The following KDM3A variants were observed in gnomAD, a reference collection of about 807,000 sequenced individuals.
KDM3A encodes the protein lysine-specific demethylase 3A.
In KDM3A, 60 loss-of-function variants were observed where a neutral mutation model predicts 158.0. That is an observed-to-expected ratio of 0.38 (90% confidence interval 0.31 to 0.47). The LOEUF is 0.47. KDM3A is among the 20% of genes least tolerant of loss of function. KDM3A has a pLI of 0.99. For missense variants in KDM3A, 1,319 were observed against 1,574.3 expected (o/e 0.84, Z 2.74); for synonymous variants, 608 against 549.3 (o/e 1.11, Z -1.49).
intron 8 of KDM3A, 73 bp from the exon 9 acceptor site, chr2:86,463,980 T>G: frequency 8.6e-7 from 1 of 1,158,404 alleles, no homozygotes; most frequent in African/African-American, 1.6e-5. Flanking sequence ...CAAATGATCT[T>G]AAATTTGGTA....
chr2:86,482,215 G>A, intron 17 of KDM3A, 113 bp downstream of exon 17: 1 of 1,299,564 alleles, frequency 7.7e-7, no homozygotes, highest in Non-Finnish European at 1.1e-6. Context: ...ACTTACCTTT[G>A]TGGGTTCAGA....
Position 86,491,029 on chromosome 2 carries a change from T to G in KDM3A, c.3722T>G (p.Val1241Gly). Reference protein sequence around the residue: ...WAIVQFLGDVVFIPAGAPHQV... With the variant: ...WAIVQFLGDVGFIPAGAPHQV... ...ATTGTACAGTTTCTTGGGGATGTGGTGTTTATCCCGGCAGGAGCTCCACAT... is the reference window on the plus strand; with the variant it reads ...ATTGTACAGTTTCTTGGGGATGTGGGGTTTATCCCGGCAGGAGCTCCACAT... Residue 1241 changes from valine (V) to glycine (G), a missense_variant, in exon 24 of 26, where the codon GTG (valine) becomes GGG (glycine). By Grantham distance (109) the Val-to-Gly change is moderately radical. This residue lies in a region of KDM3A where 186 missense variants were observed against 340.9 expected (regional missense o/e 0.55). Transcript: ENST00000312912. 6.2e-7 allele frequency: 1 copy of G among 1,613,882 alleles called. No homozygotes were observed. The highest frequency in any genetic ancestry group is 8.5e-7 in the Non-Finnish European group (1 of 1,179,876).
chr2:86,454,447 T>C (rs879904311), intron 4 of KDM3A, among the ~76,000 whole-genome samples: 1 of 152,198 alleles, frequency 6.6e-6, no homozygotes, highest in Non-Finnish European at 1.5e-5. Flanking sequence ...GAAAGAGATA[T>C]GTGTACCTCT....
At chr2:86,445,674 A>T (rs978559607) in intron 2 of KDM3A, among the ~76,000 whole-genome samples, 4 of 152,242 alleles carry the variant, frequency 2.6e-5, no homozygotes, top group African/African-American at 7.2e-5. Flanking sequence ...ACTAATGCCT[A>T]GCCTTTCATT....
At position 86,484,058 on chromosome 2, in the gene KDM3A, G is replaced by A. The variant is rs373584625; in HGVS notation, c.2994G>A (p.Glu998=). The A allele has an allele frequency of 6.2e-7, 1 of 1,613,952 alleles. No homozygotes were observed. The highest frequency in any genetic ancestry group is 8.5e-7 in the Non-Finnish European group (1 of 1,179,940). ...ELWKPESFRK[E]FGEQEVDLVN... ...GGAAACCTGAATCCTTCAGGAAAGA[G>A]TTTGGTGAGCAGGAAGTAGACCTAG... Residue 998 remains glutamate, a synonymous_variant, in exon 19 of 26, where the codon GAG becomes GAA. Transcript: ENST00000312912.
chr2:86,478,263 A>G lies in KDM3A; in HGVS notation c.2186A>G (p.Lys729Arg), dbSNP rs1390842219. ...NLMPTQIIPGKALYDVGDIVH... is the reference protein window; with the variant it reads ...NLMPTQIIPGRALYDVGDIVH... ...ATGCCCACACAGATCATTCCTGGAA[A>G]AGGTATTTCATGTGCTGCAGTGATT... Residue 729 changes from lysine (K) to arginine (R), a missense_variant and splice_region_variant, in exon 14 of 26, where the codon AAA becomes AGA. Around this residue, in one of 4 missense-constraint regions of KDM3A, gnomAD observed 368 missense variants for 415.8 expected, o/e 0.89. Coordinates refer to ENST00000312912, the MANE Select transcript of KDM3A (RefSeq NM_018433.6). 6.2e-7 allele frequency: 1 copy of G among 1,603,502 alleles called. No homozygotes were observed. The highest frequency in any genetic ancestry group is 2.2e-5 in the East Asian group (1 of 44,830).
rs1447487375 is a variant in KDM3A at position 86,492,118 on chromosome 2, A to C, written c.3965A>C (p.Ter1322SerextTer24). Residue 1322 changes from the stop codon to serine, a stop_lost, in exon 26 of 26, where the codon TAA becomes TCA. Coordinates refer to ENST00000312912, the MANE Select transcript of KDM3A (RefSeq NM_018433.6). ...AGTGAATCCAGTTTTGGCAAACCTT[A>C]ATCTCCCTGCACATTGGAAATGAAT... is the stretch of plus-strand genomic sequence containing the variant. ...KASESSFGKP[*>S] 3.1e-6 allele frequency: 5 copies of C among 1,608,414 alleles called. No individual in the cohort carries two copies. In the Admixed American group the frequency reaches 5.0e-5, roughly 16 times the overall value.
At chr2:86,485,687 A>G (rs1674144280) in intron 20 of KDM3A, 42 bp from the exon 21 acceptor site, 1 of 1,604,478 alleles carries the variant, frequency 6.2e-7, no homozygotes, top group African/African-American at 1.3e-5. Flanking sequence ...ATGAATTAGA[A>G]AAGCAATCTA....
chr2:86,470,104 T>C, intron 10 of KDM3A, 100 bp from the exon 11 acceptor site: 1 of 912,230 alleles, frequency 1.1e-6, no homozygotes. Context: ...AAGGGAGTTC[T>C]CTTTAAGGGA....
chr2:86,484,130 C>G lies in KDM3A; in HGVS notation c.3066C>G (p.Asp1022Glu), dbSNP rs749851065. 3 of 1,613,496 alleles carry G rather than the reference C, an allele frequency of 1.9e-6. No individual in the cohort carries two copies. Among genetic ancestry groups the G allele is most frequent in the Non-Finnish European group, 2.5e-6 (3 of 1,179,774 alleles). The change falls in exon 19 of 26, where the codon GAC (aspartate) becomes GAG (glutamate). Residue 1022 changes from aspartate to glutamate, a missense_variant. This residue lies in a region of KDM3A where 368 missense variants were observed against 415.8 expected (regional missense o/e 0.89). Coordinates refer to ENST00000312912, the MANE Select transcript of KDM3A (RefSeq NM_018433.6). ...TCATCACAGGAGCCACAGTAGGAGA[C>G]TTCTGGGATGGATTTGAAGATGTTC... is the stretch of plus-strand genomic sequence containing the variant. ...NEIITGATVG[D>E]FWDGFEDVPN...
At chr2:86,460,543 A>G (rs1347563745) in intron 8 of KDM3A, among the ~76,000 whole-genome samples, 1 of 152,150 alleles carries the variant, frequency 6.6e-6, no homozygotes, top group Non-Finnish European at 1.5e-5. Context: ...GAAGACAGGC[A>G]TTTGGGACTA....
At chr2:86,456,322 T>TC (rs1672691980) in intron 5 of KDM3A, 120 bp from the exon 6 acceptor site, 3 of 712,820 alleles carry the variant, frequency 4.2e-6, no homozygotes, top group Non-Finnish European at 6.7e-6. Flanking sequence ...TAGTGATTCT[T>TC]TTAATGTTTA....
intron 23 of KDM3A, 89 bp from the exon 24 acceptor site, chr2:86,490,792 A>G: frequency 1.1e-6 from 1 of 921,442 alleles, no homozygotes; most frequent in Non-Finnish European, 1.6e-6. Context: ...CCTGACATTT[A>G]TGAACTGCCA....
chr2:86,489,796 A>G (rs75816635), intron 23 of KDM3A, 137 bp downstream of exon 23: 18,613 of 856,936 alleles, frequency 0.022, 300 homozygotes, highest in East Asian at 0.055. Flanking sequence ...CAGATTGAAT[A>G]GGCTGAAGGT....
rs1673755461 is a variant in KDM3A, at chr2:86,478,239, T to C, written c.2162T>C (p.Met721Thr). The C allele has an allele frequency of 6.2e-7, 1 of 1,613,278 alleles. No homozygotes were observed. Among genetic ancestry groups the C allele is most frequent in the Non-Finnish European group, 8.5e-7 (1 of 1,179,140 alleles). Reference sequence around the variant, plus strand: ...CAGATACATGAACCAGAGAACTTAATGCCCACACAGATCATTCCTGGAAAA... The same window carrying C: ...CAGATACATGAACCAGAGAACTTAACGCCCACACAGATCATTCCTGGAAAA... ...KSQIHEPENL[M>T]PTQIIPGKAL... Residue 721 changes from methionine (M) to threonine (T), a missense_variant, in exon 14 of 26, where the codon ATG becomes ACG. By Grantham distance (81) the Met-to-Thr change is moderately conservative (BLOSUM62 -1). Around this residue, in one of 4 missense-constraint regions of KDM3A, gnomAD observed 368 missense variants for 415.8 expected, o/e 0.89. Coordinates refer to ENST00000312912, the MANE Select transcript of KDM3A (RefSeq NM_018433.6).
chr2:86,487,458 A>T (rs1471049455), intron 21 of KDM3A: 3 of 152,144 alleles, frequency 2.0e-5, no homozygotes, highest in African/African-American at 4.8e-5. Context: ...CTTTGGAGAG[A>T]TCATATAATC....
chr2:86,474,681 A>C, intron 11 of KDM3A, 95 bp from the exon 12 acceptor site: 1 of 725,518 alleles, frequency 1.4e-6, no homozygotes. Flanking sequence ...AAAAAAAAGT[A>C]ATTACAAGTT....
At chr2:86,471,301 G>A (rs1283864505) in intron 11 of KDM3A, among the ~76,000 whole-genome samples, 1 of 146,508 alleles carries the variant, frequency 6.8e-6, no homozygotes, top group African/African-American at 2.7e-5. Flanking sequence ...ATATATGTGT[G>A]TATGTGTATA....
At chr2:86,465,522 C>G (rs970778813) in intron 9 of KDM3A, among the ~76,000 whole-genome samples, 1 of 152,042 alleles carries the variant, frequency 6.6e-6, no homozygotes, top group African/African-American at 2.4e-5. Flanking sequence ...ATCCTCTTGC[C>G]TTAGCCTCCC....
Sources: gnomAD v4.1 joint callset for allele counts (sites outside exome capture counted in the v4.1 genomes callset) on GRCh38, gnomAD v4.1.1 for gene constraint, gnomAD v4.1.1 regional missense constraint, MANE v1.5 for transcripts, NCBI Gene and HGNC (gene_info 2026-07-23, HGNC 2026-07-21) for gene names.